Variants in DNAH9 observed in about 807,000 individuals in gnomAD.
DNAH9 encodes DNAH9 variant protein.
A neutral mutation model predicts 471.6 loss-of-function variants in DNAH9; 345 were observed. That is an observed-to-expected ratio of 0.73 (90% CI 0.67 to 0.80). The LOEUF is 0.80. Ranked by LOEUF, DNAH9 falls within the 30% of genes least tolerant of loss-of-function variation. The pLI is 0.00. For missense variants in DNAH9, 5,407 were observed against 5,609.2 expected (o/e 0.96, Z 1.15); for synonymous variants, 2,093 against 2,123.6 (o/e 0.99, Z 0.40).
At chr17:11,800,628 C>A (rs1458206362) in intron 43 of DNAH9, among the ~76,000 whole-genome samples, 2 of 152,138 alleles carry the variant, frequency 1.3e-5, no homozygotes, top group African/African-American at 4.8e-5. Context: ...CTGCCCACTT[C>A]TTAGCCCTTG....
chr17:11,732,965 A>G (rs2075291828), intron 28 of DNAH9, among the ~76,000 whole-genome samples: 1 of 152,208 alleles, frequency 6.6e-6, no homozygotes, highest in African/African-American at 2.4e-5. Context: ...CAGGCACCAA[A>G]CAAATGCTCC....
rs563446693 is a variant in DNAH9, at chr17:11,856,066, T to A, written c.9933+1638T>A. Among the ~76,000 whole-genome samples, 50 of 152,306 alleles carry A rather than the reference T, an allele frequency of 3.3e-4. No homozygotes were observed. The South Asian group carries it at 7.3e-3, about 22-fold the overall frequency. ...GTGACTATAACTGCTCAACCACTAC[T>A]GTGTGAGCGTGACTATAACTGCTCA... On this transcript the variant is annotated intron_variant, in intron 50 of 68. Transcript: ENST00000262442.
chr17:11,962,139 C>A lies in DNAH9; in HGVS notation c.13116C>A (p.Asp4372Glu). Residue 4372 changes from aspartate to glutamate, a missense_variant, in exon 68 of 69, where the codon GAC (aspartate) becomes GAA (glutamate). Physicochemically the swap from Asp to Glu is conservative, Grantham distance 45. Transcript: ENST00000262442. The surrounding 1 kb of genome is among the most constrained non-coding windows in gnomAD (Gnocchi z 4.1). The part of the protein sequence containing the change: ...STARKNEWPL[D>E]QMALQCDMTK... The stretch of plus-strand genomic sequence containing the variant: ...CTCGCAAGAATGAGTGGCCACTGGA[C>A]CAGATGGCCCTGCAATGTGACATGA... 6.2e-7 allele frequency: 1 copy of A among 1,614,100 alleles called. No individual in the cohort carries two copies. Among genetic ancestry groups the A allele is most frequent in the Non-Finnish European group, 8.5e-7 (1 of 1,180,030 alleles).
intron 49 of DNAH9, among the ~76,000 whole-genome samples, chr17:11,847,184 CT>C (rs769393989): frequency 2.2e-4 from 33 of 152,204 alleles, no homozygotes; most frequent in Admixed American, 1.4e-3. Flanking sequence ...TGATAGTTTT[CT>C]TTGCTGTGCA....
intron 50 of DNAH9, among the ~76,000 whole-genome samples, chr17:11,867,646 A>G (rs1291629541): frequency 1.3e-5 from 2 of 152,106 alleles, no homozygotes; most frequent in African/African-American, 4.8e-5. Flanking sequence ...GTTTAACTTA[A>G]TCTAAGCCTG....
At position 11,665,021 on chromosome 17, in the gene DNAH9, CA is replaced by C. The variant is rs1301045391; in HGVS notation, c.2731+54del. ...ATTATTGGAAAGATAACAACAGTAA[CA>C]TTTGTTGAATTATATTGAAGAGCAG... is the stretch of plus-strand genomic sequence containing the variant. On this transcript the variant is annotated intron_variant, in intron 15 of 68. Transcript: ENST00000262442. 1.4e-5 allele frequency: 21 copies of C among 1,529,944 alleles called. No homozygotes were observed. In the Admixed American group the frequency reaches 3.5e-4, roughly 25 times the overall value. 94.8% of individuals were successfully genotyped at this position (1,529,944 alleles called of 1,614,324 possible).
intron 34 of DNAH9, 43 bp downstream of exon 34, chr17:11,756,719 G>C (rs774258972): frequency 1.4e-5 from 18 of 1,261,218 alleles, no homozygotes; most frequent in Admixed American, 3.4e-5. Flanking sequence ...ACTCCACTTA[G>C]GGAGGTACCT....
intron 31 of DNAH9, among the ~76,000 whole-genome samples, chr17:11,746,183 G>A (rs980955203): frequency 2.0e-5 from 3 of 152,112 alleles, no homozygotes; most frequent in Non-Finnish European, 4.4e-5. Context: ...CCTGAGACTG[G>A]GTAGTCAGGA....
intron 17 of DNAH9, among the ~76,000 whole-genome samples, chr17:11,670,706 ATTT>A (rs11320846): frequency 6.9e-6 from 1 of 145,832 alleles, no homozygotes; most frequent in Non-Finnish European, 1.5e-5. Flanking sequence ...CTTTGTGGGG[ATTT>A]TTTTTTTTTT....
In DNAH9 at chr17:11,644,658, A is replaced by C; in HGVS notation, c.1929A>C (p.Arg643=). ...GCATGGAATCTGCAGAAGGAAAGCG[A>C]ATGCAACAAAAATATGAAGATATGC... The part of the protein sequence containing the change: ...HPCMESAEGK[R]MQQKYEDMLS... Residue 643 remains arginine (R), a synonymous_variant, in exon 11 of 69, where the codon CGA becomes CGC. Coordinates refer to ENST00000262442, the MANE Select transcript of DNAH9 (RefSeq NM_001372.4). 4 of 1,613,034 alleles carry C rather than the reference A, an allele frequency of 2.5e-6. No individual in the cohort carries two copies. Among genetic ancestry groups the C allele is most frequent in the Non-Finnish European group, 3.4e-6 (4 of 1,179,408 alleles).
intron 41 of DNAH9, 132 bp from the exon 42 acceptor site, chr17:11,793,371 A>G: frequency 1.3e-6 from 1 of 776,866 alleles, no homozygotes; most frequent in Non-Finnish European, 2.0e-6. Context: ...TCCCTCCACT[A>G]GAATGATCTG....
chr17:11,873,033 ACT>A (rs1486600338), intron 52 of DNAH9, among the ~76,000 whole-genome samples: 1 of 152,156 alleles, frequency 6.6e-6, no homozygotes, highest in Non-Finnish European at 1.5e-5. Flanking sequence ...TAGAACAAAA[ACT>A]CTTTCTGTAG....
At chr17:11,840,631 A>G (rs1294710463) in intron 49 of DNAH9, among the ~76,000 whole-genome samples, 1 of 152,198 alleles carries the variant, frequency 6.6e-6, no homozygotes, top group Non-Finnish European at 1.5e-5. Flanking sequence ...GTGACTTTGC[A>G]GATATCATTA....
chr17:11,781,554 C>T (rs747860706), intron 39 of DNAH9, among the ~76,000 whole-genome samples: 3 of 152,224 alleles, frequency 2.0e-5, no homozygotes, highest in African/African-American at 4.8e-5. Context: ...CTAACACACG[C>T]CAGGTGCAGT....
In DNAH9 at chr17:11,807,631, T is replaced by A. The variant is rs963404319; in HGVS notation, c.8421-101T>A. On this transcript the variant is annotated intron_variant, in intron 43 of 68. Transcript: ENST00000262442. ...GTTTCCCACAGCTCAGCCTGTGACG[T>A]GCCTCCAAGGAAGGCCCCTGCTCCC... is the stretch of plus-strand genomic sequence containing the variant. The A allele has an allele frequency of 4.7e-6, 6 of 1,280,002 alleles. No individual in the cohort carries two copies. In the Admixed American group the frequency reaches 1.3e-4, roughly 27 times the overall value. The allele number at this position is 1,280,002 out of a possible 1,614,324, so 79.3% of individuals were successfully genotyped here.
chr17:11,838,789 TAGTAC>T (rs1270284786), intron 49 of DNAH9, among the ~76,000 whole-genome samples: 2 of 152,288 alleles, frequency 1.3e-5, no homozygotes, highest in Admixed American at 1.3e-4. Context: ...GAGTGGTCCA[TAGTAC>T]ACCACCTGTA....
intron 43 of DNAH9, among the ~76,000 whole-genome samples, chr17:11,805,613 T>C (rs1340429355): frequency 3.6e-5 from 5 of 138,812 alleles, no homozygotes; most frequent in Non-Finnish European, 3.1e-5. Context: ...AGTGGAGCGA[T>C]CTTGGCTCAC....
chr17:11,821,995 A>C lies in DNAH9; in HGVS notation c.8783A>C (p.Gln2928Pro). ...ISNVRNEVKSQGLVDNRENCW... is the reference protein window; with the variant it reads ...ISNVRNEVKSPGLVDNRENCW... ...AATGTGAGGAATGAAGTCAAGAGCC[A>C]GGGTCTGGTTGACAACAGAGAGAAC... Residue 2928 changes from glutamine to proline, a missense_variant, in exon 46 of 69, where the codon CAG becomes CCG. Physicochemically the swap from Gln to Pro is moderately conservative, Grantham distance 76. Around this residue, in one of 3 missense-constraint regions of DNAH9, gnomAD observed 4,636 missense variants for 4,900.3 expected, o/e 0.95. Transcript: ENST00000262442. 1 of 1,614,198 alleles carries C rather than the reference A, an allele frequency of 6.2e-7. No individual in the cohort carries two copies.
chr17:11,644,458 G>C (rs138093298), intron 10 of DNAH9, among the ~76,000 whole-genome samples, 173 bp from the exon 11 acceptor site: 4 of 152,216 alleles, frequency 2.6e-5, no homozygotes, highest in Non-Finnish European at 5.9e-5. Flanking sequence ...AAGTGCAGAT[G>C]CCCTCTAGTG....
Sources: allele counts gnomAD v4.1 joint callset (sites outside exome capture counted in the v4.1 genomes callset), GRCh38; gene constraint gnomAD v4.1.1; regional missense constraint gnomAD v4.1.1; non-coding constraint Gnocchi (gnomAD v3.1); transcripts MANE v1.5; gene names NCBI Gene and HGNC (gene_info 2026-07-23, HGNC 2026-07-21).